Variants in WFDC11 observed in about 807,000 individuals in gnomAD.
WFDC11 encodes WAP four-disulfide core domain 11.
In WFDC11, 9 loss-of-function variants were observed where a neutral mutation model predicts 9.9. The observed-to-expected ratio is 0.91, with a 90% CI of 0.55 to 1.58. The LOEUF is 1.58. WFDC11 is among the 40% of genes most tolerant of loss of function. The probability of loss-of-function intolerance (pLI) is 0.00; values close to 1 mark genes in which losing one functional copy is unlikely to be tolerated. For missense variants in WFDC11, 106 were observed against 101.7 expected (o/e 1.04, Z -0.18); for synonymous variants, 32 against 33.3 (o/e 0.96, Z 0.13).
chr20:45,652,169 C>T (rs893320994), intron 2 of WFDC11, among the ~76,000 whole-genome samples: 8 of 152,252 alleles, frequency 5.3e-5, no homozygotes, highest in Admixed American at 2.0e-4. Context: ...AGTAGCCTAA[C>T]TGGGAGGCAC....
At chr20:45,666,222 G>A (rs187470995) in intron 2 of WFDC11, among the ~76,000 whole-genome samples, 32 of 152,340 alleles carry the variant, frequency 2.1e-4, no homozygotes, top group East Asian at 5.8e-4. Context: ...TGTGGGACCC[G>A]CCAAGCCAGG....
chr20:45,662,256 G>A (rs1415218836), intron 2 of WFDC11, among the ~76,000 whole-genome samples: 2 of 152,144 alleles, frequency 1.3e-5, no homozygotes, highest in African/African-American at 4.8e-5. Flanking sequence ...TGTGATTTTT[G>A]AACATTGATT....
intron 2 of WFDC11, among the ~76,000 whole-genome samples, chr20:45,664,367 C>T (rs1269475185): frequency 6.6e-6 from 1 of 152,156 alleles, no homozygotes; most frequent in Non-Finnish European, 1.5e-5. Context: ...GGTCTTAACT[C>T]TTTATCCAAT....
At chr20:45,664,932 C>T (rs2145623869) in intron 2 of WFDC11, among the ~76,000 whole-genome samples, 1 of 152,144 alleles carries the variant, frequency 6.6e-6, no homozygotes, top group African/African-American at 2.4e-5. Context: ...TTGTGATGTT[C>T]TCGTATTTCC....
intron 2 of WFDC11, among the ~76,000 whole-genome samples, chr20:45,666,256 G>A (rs755266703): frequency 6.6e-6 from 1 of 152,226 alleles, no homozygotes; most frequent in Non-Finnish European, 1.5e-5. Context: ...CTCTTTGTCT[G>A]CCAGTTGCTA....
intron 2 of WFDC11, among the ~76,000 whole-genome samples, chr20:45,657,380 C>T (rs1389349680): frequency 7.0e-6 from 1 of 142,336 alleles, no homozygotes. Context: ...GGGAATTGAA[C>T]CATGAGAACA....
chr20:45,657,742 C>T (rs1448162248), intron 2 of WFDC11, among the ~76,000 whole-genome samples: 1 of 152,054 alleles, frequency 6.6e-6, no homozygotes, highest in Non-Finnish European at 1.5e-5. Flanking sequence ...TTTTTATTTT[C>T]AGTACAGTAT....
chr20:45,654,151 C>G (rs1316508901), intron 2 of WFDC11, among the ~76,000 whole-genome samples: 3 of 152,222 alleles, frequency 2.0e-5, no homozygotes, highest in Admixed American at 2.0e-4. Context: ...CCACACTGCA[C>G]TTATTCCAAA....
At chr20:45,664,905 CT>C (rs1983155902) in intron 2 of WFDC11, among the ~76,000 whole-genome samples, 1 of 152,110 alleles carries the variant, frequency 6.6e-6, no homozygotes, top group African/African-American at 2.4e-5. Flanking sequence ...TGGGGTTGCT[CT>C]TCTCGAGGAG....
At chr20:45,663,015 C>T (rs1238635727) in intron 2 of WFDC11, among the ~76,000 whole-genome samples, 3 of 152,086 alleles carry the variant, frequency 2.0e-5, no homozygotes, top group Non-Finnish European at 2.9e-5. Flanking sequence ...CTCTTTGTAC[C>T]TCTGGTAGAA....
chr20:45,655,535 C>T (rs905547577), intron 2 of WFDC11, among the ~76,000 whole-genome samples: 2 of 152,164 alleles, frequency 1.3e-5, no homozygotes, highest in Non-Finnish European at 2.9e-5. Context: ...GACAGGAATG[C>T]CCTCTCTCAC....
chr20:45,665,228 C>T (rs1983162049), intron 2 of WFDC11, among the ~76,000 whole-genome samples: 1 of 152,190 alleles, frequency 6.6e-6, no homozygotes, highest in Non-Finnish European at 1.5e-5. Flanking sequence ...CTTGTGCATG[C>T]ATCACGAAGT....
chr20:45,657,887 A>G (rs1028903100), intron 2 of WFDC11, among the ~76,000 whole-genome samples: 3 of 152,228 alleles, frequency 2.0e-5, no homozygotes, highest in African/African-American at 7.2e-5. Context: ...CTTAAAACAT[A>G]AAAAAGCACA....
intron 1 of WFDC11, among the ~76,000 whole-genome samples, chr20:45,669,954 T>C (rs1600944887): frequency 6.6e-6 from 1 of 151,846 alleles, no homozygotes; most frequent in Middle Eastern, 3.4e-3. Context: ...AAAATCCAGA[T>C]AAACACAATC....
intron 4 of WFDC11, 146 bp from the exon 5 acceptor site, chr20:45,648,885 A>G (rs970333255): frequency 7.6e-6 from 7 of 917,094 alleles, no homozygotes; most frequent in African/African-American, 1.7e-5. Context: ...ACTTCTGAGT[A>G]GGTGAGGTAT....
intron 2 of WFDC11, among the ~76,000 whole-genome samples, chr20:45,662,480 C>A (rs1432808414): frequency 1.3e-5 from 2 of 152,174 alleles, no homozygotes; most frequent in Admixed American, 6.5e-5. Flanking sequence ...TGAGAGAGGG[C>A]ATCCCTGTCT....
intron 2 of WFDC11, among the ~76,000 whole-genome samples, chr20:45,661,816 T>C (rs1600941309): frequency 6.6e-6 from 1 of 152,326 alleles, no homozygotes; most frequent in Non-Finnish European, 1.5e-5. Flanking sequence ...TTTTGGTTAC[T>C]GTAGCCTTGT....
intron 2 of WFDC11, among the ~76,000 whole-genome samples, chr20:45,652,595 T>A (rs973924355): frequency 2.0e-5 from 3 of 152,124 alleles, no homozygotes; most frequent in Non-Finnish European, 4.4e-5. Flanking sequence ...ATGACTTTGA[T>A]GAGTTGAGAG....
intron 2 of WFDC11, among the ~76,000 whole-genome samples, chr20:45,663,806 T>G (rs2145623182): frequency 6.6e-6 from 1 of 152,344 alleles, no homozygotes; most frequent in East Asian, 1.9e-4. Flanking sequence ...TTGTTGTGAT[T>G]TCTGTTCTTT....
Sources: allele counts gnomAD v4.1 joint callset (sites outside exome capture counted in the v4.1 genomes callset), GRCh38; gene constraint gnomAD v4.1.1; transcripts MANE v1.5; gene names NCBI Gene and HGNC (gene_info 2026-07-23, HGNC 2026-07-21).